Variants in NCOA2 observed in about 807,000 individuals in gnomAD.
The protein encoded by NCOA2 is nuclear receptor coactivator 2.
In NCOA2, 21 loss-of-function variants were observed where a neutral mutation model predicts 145.1. The observed-to-expected ratio is 0.14, with a 90% confidence interval of 0.10 to 0.21. The LOEUF is 0.21. Among genes scored for constraint, NCOA2 ranks in the 10% least tolerant of loss-of-function variants. The pLI is 1.00. For missense variants in NCOA2, 1,472 were observed against 1,837.6 expected (o/e 0.80, Z 3.64); for synonymous variants, 619 against 637.5 (o/e 0.97, Z 0.44).
intron 1 of NCOA2, among the ~76,000 whole-genome samples, chr8:70,328,165 G>A (rs922793010): frequency 3.3e-5 from 5 of 152,180 alleles, no homozygotes; most frequent in African/African-American, 1.2e-4. Context: ...ACCTGTAAAT[G>A]GCACTGAACT....
In NCOA2 at chr8:70,112,901, C is replaced by G. The variant is rs1806666539; in HGVS notation, c.*731G>C. On this transcript the variant is annotated 3_prime_UTR_variant, in exon 23 of 23. Transcript: ENST00000452400. ...AATTATTTCTTCTCAATTCATGATT[C>G]AGGTGAACCAGTTTGGTTTTAACAA... The G allele has an allele frequency of 5.0e-6, 1 of 198,676 alleles. No homozygotes were observed. Among genetic ancestry groups the G allele is most frequent in the Non-Finnish European group, 1.0e-5 (1 of 96,162 alleles). The allele number at this position is 198,676 out of a possible 1,614,324, so 12.3% of individuals were successfully genotyped here.
At position 70,156,151 on chromosome 8, in the gene NCOA2, C is replaced by G. The variant is rs560110077; in HGVS notation, c.2214G>C (p.Lys738Asn). The G allele has an allele frequency of 3.1e-6, 5 of 1,613,764 alleles. No individual in the cohort carries two copies. Among genetic ancestry groups the G allele is most frequent in the Non-Finnish European group, 4.2e-6 (5 of 1,179,852 alleles). Reference protein sequence around the residue: ...VTIKQEPVSPKKKENALLRYL... With the variant: ...VTIKQEPVSPNKKENALLRYL... ...AGCGAAGTAGTGCATTCTCTTTCTTCTTGGGGCTCACCGGCTCTTGTTTAA... is the reference window on the plus strand; with the variant it reads ...AGCGAAGTAGTGCATTCTCTTTCTTGTTGGGGCTCACCGGCTCTTGTTTAA... The change falls in exon 11 of 23, where the codon AAG becomes AAC. Residue 738 changes from lysine (K) to asparagine (N), a missense_variant. By Grantham distance (94) the Lys-to-Asn change is moderately conservative. Coordinates refer to ENST00000452400, the MANE Select transcript of NCOA2 (RefSeq NM_006540.4).
At chr8:70,292,549 G>GAAA (rs199760603) in intron 2 of NCOA2, among the ~76,000 whole-genome samples, 12 of 101,422 alleles carry the variant, frequency 1.2e-4, no homozygotes, top group Non-Finnish European at 2.3e-4. Flanking sequence ...TCCATCTCAG[G>GAAA]AAAAAAAAAA....
At chr8:70,288,239 T>G (rs1826386531) in intron 2 of NCOA2, among the ~76,000 whole-genome samples, 1 of 152,174 alleles carries the variant, frequency 6.6e-6, no homozygotes, top group Non-Finnish European at 1.5e-5. Context: ...AATTTTTTAT[T>G]CACTATGATG....
chr8:70,250,392 CAAAAAAAAAAAAAA>C (rs34008376), intron 2 of NCOA2, among the ~76,000 whole-genome samples: 8 of 49,634 alleles, frequency 1.6e-4, no homozygotes, highest in Admixed American at 3.3e-4. Context: ...GACCCTGTCT[CAAAAAAAAAAAAAA>C]AAAAAAAAAA....
chr8:70,114,590 G>T (rs773323487), intron 22 of NCOA2, among the ~76,000 whole-genome samples: 2 of 152,158 alleles, frequency 1.3e-5, no homozygotes, highest in African/African-American at 2.4e-5. Context: ...CACAAAAATT[G>T]CCCGACTAGG....
intron 2 of NCOA2, among the ~76,000 whole-genome samples, chr8:70,290,910 T>A (rs1826630774): frequency 6.6e-6 from 1 of 152,218 alleles, no homozygotes; most frequent in Admixed American, 6.5e-5. Context: ...TGACTCAAAT[T>A]CAGCACCTGC....
intron 2 of NCOA2, among the ~76,000 whole-genome samples, chr8:70,271,969 A>G (rs200583163): frequency 6.9e-6 from 1 of 143,968 alleles, no homozygotes; most frequent in East Asian, 4.3e-4. Context: ...AAATTGAATA[A>G]AGAGATTGAA....
chr8:70,382,638 T>C (rs1338678998), intron 1 of NCOA2, among the ~76,000 whole-genome samples: 1 of 152,202 alleles, frequency 6.6e-6, no homozygotes, highest in Non-Finnish European at 1.5e-5. Context: ...AAAATTATAA[T>C]TTGTAAAAAT....
chr8:70,165,512 A>C (rs1313317540), intron 7 of NCOA2, among the ~76,000 whole-genome samples: 2 of 152,162 alleles, frequency 1.3e-5, no homozygotes, highest in African/African-American at 4.8e-5. Context: ...AGTGGTCCTC[A>C]GCTCTTTCCC....
At chr8:70,330,161 G>A (rs1483243380) in intron 1 of NCOA2, among the ~76,000 whole-genome samples, 2 of 151,672 alleles carry the variant, frequency 1.3e-5, no homozygotes, top group Non-Finnish European at 2.9e-5. Context: ...TAATGACTTT[G>A]ACACAGGATA....
the NCOA2 span, among the ~76,000 whole-genome samples, chr8:70,411,741 A>G: frequency 2.0e-5 from 3 of 152,246 alleles, no homozygotes; most frequent in African/African-American, 7.2e-5. Context: ...AAAGAACACT[A>G]CTATATGATG....
intron 21 of NCOA2, among the ~76,000 whole-genome samples, chr8:70,121,694 A>G (rs1342296246): frequency 6.6e-6 from 1 of 152,250 alleles, no homozygotes; most frequent in Non-Finnish European, 1.5e-5. Flanking sequence ...CATAACCAGC[A>G]TGCTTTCTTG....
At chr8:70,416,410 C>T in the NCOA2 span, among the ~76,000 whole-genome samples, 2 of 152,112 alleles carry the variant, frequency 1.3e-5, no homozygotes, top group African/African-American at 2.4e-5. Context: ...TCTTCTTAAG[C>T]CATACTTAAT....
the NCOA2 span, among the ~76,000 whole-genome samples, chr8:70,443,238 G>C: frequency 8.2e-5 from 11 of 134,312 alleles, no homozygotes; most frequent in Non-Finnish European, 1.6e-4. Context: ...GGTGGGGGGC[G>C]CATGCCTGTG....
chr8:70,414,961 C>CA, the NCOA2 span, among the ~76,000 whole-genome samples: 2 of 151,978 alleles, frequency 1.3e-5, no homozygotes, highest in South Asian at 4.1e-4. Context: ...GGGTATGTTT[C>CA]TTTCCATTTA....
Position 70,133,007 on chromosome 8 carries a change from T to C in NCOA2, c.3159-1005A>G, listed in dbSNP as rs372086012. ...GTGATGAAATCAGAACACTAAACTC[T>C]AAATTACATGGTACATACAACTCCT... On this transcript the variant is annotated intron_variant, in intron 15 of 22. Transcript: ENST00000452400. 3.3e-5 allele frequency among the ~76,000 whole-genome samples: 5 copies of C among 152,250 alleles called. No homozygotes were observed. The East Asian group carries it at 9.6e-4, about 29-fold the overall frequency.
chr8:70,111,315 C>A lies in NCOA2; in HGVS notation c.*2317G>T, dbSNP rs536345912. 2 of 226,066 alleles carry A rather than the reference C, an allele frequency of 8.8e-6. No homozygotes were observed. The highest frequency in any genetic ancestry group is 1.3e-4 in the East Asian group (2 of 15,604). 14.0% of individuals were successfully genotyped at this position (226,066 alleles called of 1,614,324 possible). A position where few individuals can be genotyped will look rare whatever the true frequency, so the allele number is the denominator to read the frequency against. ...AAGGGACTTGAAACTCAAAACAAAA[C>A]AAATCCAGTTTAAACTCCATTTCTC... On this transcript the variant is annotated 3_prime_UTR_variant, in exon 23 of 23. Coordinates refer to ENST00000452400, the MANE Select transcript of NCOA2 (RefSeq NM_006540.4).
intron 1 of NCOA2, among the ~76,000 whole-genome samples, chr8:70,384,482 C>T (rs1812491591): frequency 6.6e-6 from 1 of 152,088 alleles, no homozygotes; most frequent in South Asian, 2.1e-4. Context: ...TTAATCATTA[C>T]ACACTTCTCT....
Sources: allele counts gnomAD v4.1 joint callset (sites outside exome capture counted in the v4.1 genomes callset), GRCh38; gene constraint gnomAD v4.1.1; transcripts MANE v1.5; gene names NCBI Gene and HGNC (gene_info 2026-07-23, HGNC 2026-07-21).